ZNF605: variants seen among roughly 807,000 people sequenced by gnomAD.
The protein encoded by ZNF605 is zinc finger protein 605.
A neutral mutation model predicts 7.9 loss-of-function variants in ZNF605; 9 were observed. That is an observed-to-expected ratio of 1.14 (90% CI 0.68 to 1.98). The LOEUF (loss-of-function observed/expected upper bound fraction) is 1.98. Ranked by LOEUF, ZNF605 falls within the 30% of genes most tolerant of loss-of-function variation. The pLI is 0.00. For synonymous variants in ZNF605, 255 were observed against 260.1 expected, an observed-to-expected ratio of 0.98 and a Z score of 0.19; for missense variants, 673 against 762.4, an observed-to-expected ratio of 0.88 and a Z score of 1.38.
At chr12:132,937,576 T>C (rs1405691566) in intron 3 of ZNF605, among the ~76,000 whole-genome samples, 3 of 152,022 alleles carry the variant, frequency 2.0e-5, no homozygotes, top group African/African-American at 7.2e-5. Flanking sequence ...CAAGAGCAAC[T>C]GTCATTCATT....
intron 4 of ZNF605, among the ~76,000 whole-genome samples, chr12:132,931,959 G>A (rs1321361377): frequency 2.0e-5 from 3 of 152,156 alleles, no homozygotes; most frequent in Admixed American, 6.5e-5. Context: ...TGTTTTTAGA[G>A]ACAGGGTCTC....
intron 4 of ZNF605, among the ~76,000 whole-genome samples, chr12:132,928,548 G>A (rs1191345189): frequency 6.6e-6 from 1 of 152,162 alleles, no homozygotes; most frequent in Non-Finnish European, 1.5e-5. Context: ...TAGTAGAACA[G>A]ATATTTTCAT....
chr12:132,947,288 T>A lies in ZNF605; in HGVS notation c.-163+860A>T, dbSNP rs1458615597. Among the ~76,000 whole-genome samples, 4 of 151,826 alleles carry A rather than the reference T, an allele frequency of 2.6e-5. No homozygotes were observed. In the East Asian group the frequency reaches 7.7e-4, roughly 29 times the overall value. ...CCTCAGCCTCCCAAAGTGCTGGGAT[T>A]ACAGGTGTGAGCCACCACGCCCGGC... is the stretch of plus-strand genomic sequence containing the variant. On this transcript the variant is annotated intron_variant, in intron 2 of 4. Transcript: ENST00000360187.
chr12:132,922,238 T>C lies in ZNF605; in HGVS notation c.*3135A>G, dbSNP rs992259866. On this transcript the variant is annotated 3_prime_UTR_variant, in exon 5 of 5. Transcript: ENST00000360187. ...CAGTAACTGATTATCTTGTTTCTTG[T>C]CCACAGATATTTAACCTAAATAACA... is the stretch of plus-strand genomic sequence containing the variant. The C allele has an allele frequency of 6.6e-6, 1 of 152,228 alleles. No homozygotes were observed. Among genetic ancestry groups the C allele is most frequent in the Non-Finnish European group, 1.5e-5 (1 of 68,042 alleles). The allele number at this position is 152,228 out of a possible 1,614,324, so 9.4% of individuals were successfully genotyped here.
At chr12:132,945,820 AT>A in intron 2 of ZNF605, 23 bp from the exon 3 acceptor site, 3 of 775,266 alleles carry the variant, frequency 3.9e-6, no homozygotes, top group Non-Finnish European at 6.5e-6. Context: ...TGGACATTTT[AT>A]TTTAGATGAT....
intron 1 of ZNF605, among the ~76,000 whole-genome samples, chr12:132,955,446 G>C (rs909262726): frequency 6.6e-6 from 1 of 152,124 alleles, no homozygotes; most frequent in Non-Finnish European, 1.5e-5. Flanking sequence ...CCGCTCGGTG[G>C]AGTTCAGCCA....
At chr12:132,927,683 A>C (rs1952261374) in intron 4 of ZNF605, among the ~76,000 whole-genome samples, 1 of 138,722 alleles carries the variant, frequency 7.2e-6, no homozygotes, top group Non-Finnish European at 1.5e-5. Context: ...TTTTAGAGGG[A>C]GTCTCACTCT....
rs1952176611 is a variant in ZNF605, at chr12:132,918,401, TAC to T, written c.*6970_*6971del. 6.6e-6 allele frequency: 1 copy of T among 152,244 alleles called. No individual in the cohort carries two copies. Among genetic ancestry groups the T allele is most frequent in the African/African-American group, 2.4e-5 (1 of 41,464 alleles). 9.4% of individuals were successfully genotyped at this position (152,244 alleles called of 1,614,324 possible). On this transcript the variant is annotated 3_prime_UTR_variant, in exon 5 of 5. Coordinates refer to ENST00000360187, the MANE Select transcript of ZNF605 (RefSeq NM_183238.4). ...ACAGTTTACTCAGTTAACATTTGCA[TAC>T]AGAGATTTTCTTTTCAAACAGAGCA... is the stretch of plus-strand genomic sequence containing the variant.
intron 3 of ZNF605, among the ~76,000 whole-genome samples, chr12:132,938,142 G>A (rs914641091): frequency 1.9e-4 from 29 of 149,782 alleles, no homozygotes; most frequent in Non-Finnish European, 3.3e-4. Flanking sequence ...CACTACGCCC[G>A]GCTAACTTTT....
chr12:132,945,284 TA>T, intron 3 of ZNF605: 4 of 832,134 alleles, frequency 4.8e-6, no homozygotes, highest in Non-Finnish European at 8.0e-6. Context: ...TATGTTTCTA[TA>T]ATCTACTTTG....
chr12:132,947,651 T>C (rs1952508230), intron 2 of ZNF605, among the ~76,000 whole-genome samples: 1 of 152,210 alleles, frequency 6.6e-6, no homozygotes, highest in Non-Finnish European at 1.5e-5. Flanking sequence ...TATTTTTCTT[T>C]ATTTTCTACT....
intron 4 of ZNF605, among the ~76,000 whole-genome samples, chr12:132,929,313 G>A (rs1952282001): frequency 6.6e-6 from 1 of 151,960 alleles, no homozygotes; most frequent in Non-Finnish European, 1.5e-5. Context: ...AGGCTGAGGT[G>A]GGAGGAGGTT....
intron 3 of ZNF605, among the ~76,000 whole-genome samples, chr12:132,939,875 GGAAC>G (rs998270393): frequency 7.6e-6 from 1 of 131,720 alleles, no homozygotes; most frequent in African/African-American, 2.6e-5. Context: ...CCCACCGGGA[GGAAC>G]GAACACTCCA....
At chr12:132,946,017 G>A (rs1014118133) in intron 2 of ZNF605, among the ~76,000 whole-genome samples, 65 of 152,206 alleles carry the variant, frequency 4.3e-4, no homozygotes, top group Non-Finnish European at 7.8e-4. Flanking sequence ...CAGTACGCAC[G>A]GAACTGAACA....
chr12:132,941,042 G>C lies in ZNF605; in HGVS notation c.15+4579C>G, dbSNP rs1447396805. ...AGACATTTAGATAAAAATCAGTTCT[G>C]CTCCTAAGAAGCATTTTGTTACCCA... On this transcript the variant is annotated intron_variant, in intron 3 of 4. Coordinates refer to ENST00000360187, the MANE Select transcript of ZNF605 (RefSeq NM_183238.4). The surrounding 1 kb of genome is among the most constrained non-coding windows in gnomAD (Gnocchi z 5.1). 1.3e-5 allele frequency among the ~76,000 whole-genome samples: 2 copies of C among 152,094 alleles called. No homozygotes were observed. The highest frequency in any genetic ancestry group is 1.3e-4 in the Admixed American group (2 of 15,264).
chr12:132,938,141 C>T (rs1054573781), intron 3 of ZNF605, among the ~76,000 whole-genome samples: 54 of 152,066 alleles, frequency 3.6e-4, no homozygotes, highest in Middle Eastern at 3.4e-3. Context: ...CCACTACGCC[C>T]GGCTAACTTT....
chr12:132,935,489 G>A (rs774758842), intron 3 of ZNF605, among the ~76,000 whole-genome samples: 8 of 151,920 alleles, frequency 5.3e-5, no homozygotes, highest in African/African-American at 1.7e-4. Flanking sequence ...TCAGGCATCC[G>A]GCAGAATCAA....
chr12:132,951,745 CAT>C (rs1952571554), intron 1 of ZNF605, among the ~76,000 whole-genome samples: 4 of 151,818 alleles, frequency 2.6e-5, no homozygotes, highest in Non-Finnish European at 5.9e-5. Context: ...GACACATACA[CAT>C]GTACAACACA....
In ZNF605 at chr12:132,933,281, G is replaced by T; in HGVS notation, c.16-126C>A. On this transcript the variant is annotated intron_variant, in intron 3 of 4. Coordinates refer to ENST00000360187, the MANE Select transcript of ZNF605 (RefSeq NM_183238.4). The surrounding 1 kb of genome is among the most constrained non-coding windows in gnomAD (Gnocchi z 4.4). ...AGTGACCTCTGACTCCGGTATTCAT[G>T]CTTTTGCATAATCCTCCCCTCTTGA... is the stretch of plus-strand genomic sequence containing the variant. 1 of 1,079,332 alleles carries T rather than the reference G, an allele frequency of 9.3e-7. No individual in the cohort carries two copies. 66.9% of individuals were successfully genotyped at this position (1,079,332 alleles called of 1,614,324 possible).
Sources: allele counts gnomAD v4.1 joint callset (sites outside exome capture counted in the v4.1 genomes callset), GRCh38; gene constraint gnomAD v4.1.1; non-coding constraint Gnocchi (gnomAD v3.1); transcripts MANE v1.5; gene names NCBI Gene and HGNC (gene_info 2026-07-23, HGNC 2026-07-21).